GRM7: variants seen among roughly 807,000 people sequenced by gnomAD.
GRM7 encodes the protein glutamate metabotropic receptor 7.
A neutral mutation model predicts 84.5 loss-of-function variants in GRM7; 35 were observed. That is an observed-to-expected ratio of 0.41 (90% confidence interval 0.32 to 0.55). The LOEUF (loss-of-function observed/expected upper bound fraction) is 0.55. GRM7 is among the 20% of genes least tolerant of loss of function. GRM7 has a pLI of 0.19. For synonymous variants in GRM7, 487 were observed against 455.1 expected (o/e 1.07, Z -0.89); for missense variants, 1,003 against 1,194.6 (o/e 0.84, Z 2.36).
intron 4 of GRM7, among the ~76,000 whole-genome samples, chr3:7,405,485 G>T (rs1161256705): frequency 1.3e-5 from 2 of 152,096 alleles, no homozygotes; most frequent in Admixed American, 6.5e-5. Flanking sequence ...GTGTTGGGAA[G>T]ATTCAAAATT....
chr3:6,965,675 T>G (rs1195082497), intron 1 of GRM7, among the ~76,000 whole-genome samples: 6 of 152,122 alleles, frequency 3.9e-5, no homozygotes, highest in African/African-American at 1.2e-4. Flanking sequence ...TGCCTGCACC[T>G]GATAGGTCAG....
intron 1 of GRM7, among the ~76,000 whole-genome samples, chr3:6,987,585 G>T (rs1285614822): frequency 6.6e-6 from 1 of 152,148 alleles, no homozygotes; most frequent in African/African-American, 2.4e-5. Context: ...AGCATTCAAG[G>T]AGCAGACAGG....
intron 1 of GRM7, among the ~76,000 whole-genome samples, chr3:6,953,237 C>T (rs168119): frequency 1 from 152,206 of 152,346 alleles, 76,034 homozygotes; most frequent in Middle Eastern, 1. Flanking sequence ...GTTTTGAATA[C>T]AGTTAGAAGA....
chr3:7,651,008 G>T (rs368066599), intron 8 of GRM7, among the ~76,000 whole-genome samples: 1 of 151,810 alleles, frequency 6.6e-6, no homozygotes, highest in East Asian at 1.9e-4. Context: ...GTAACTTTTT[G>T]ATTTGAAGGA....
At chr3:7,142,672 A>C (rs529712189) in intron 1 of GRM7, among the ~76,000 whole-genome samples, 1 of 152,298 alleles carries the variant, frequency 6.6e-6, no homozygotes, top group African/African-American at 2.4e-5. Context: ...GTATCTGTGC[A>C]TAACCAAATA....
intron 2 of GRM7, among the ~76,000 whole-genome samples, chr3:7,272,935 T>G (rs1185322374): frequency 6.6e-6 from 1 of 152,086 alleles, no homozygotes; most frequent in African/African-American, 2.4e-5. Context: ...GGATAAAATT[T>G]TAGATAATTG....
rs544862820 is a variant in GRM7 at position 7,337,216 on chromosome 3, C to T, written c.1033+30564C>T. Among the ~76,000 whole-genome samples the T allele has an allele frequency of 5.3e-5, 8 of 152,068 alleles. No homozygotes were observed. In the East Asian group the frequency reaches 5.8e-4, roughly 11 times the overall value. On this transcript the variant is annotated intron_variant, in intron 4 of 9. Transcript: ENST00000357716. ...GTGCTGGGATAATTGGCAAGCCACA[C>T]GTCGAAGAATAAAGCTGGATCCTTC... is the stretch of plus-strand genomic sequence containing the variant.
intron 8 of GRM7, among the ~76,000 whole-genome samples, chr3:7,649,162 C>T (rs56398328): frequency 0.33 from 50,278 of 151,678 alleles, 8,884 homozygotes; most frequent in African/African-American, 0.45. Context: ...CTCCGCCTCC[C>T]GGGTTCACGC....
rs115244372 is a variant in GRM7, at chr3:7,079,880, C to T, written c.520-66572C>T. ...GCCTACAACAGAACCTTGTATAATTCCTGACATGGAGCAAGTGCTCAATAA... is the reference window on the plus strand; with the variant it reads ...GCCTACAACAGAACCTTGTATAATTTCTGACATGGAGCAAGTGCTCAATAA... On this transcript the variant is annotated intron_variant, in intron 1 of 9. Coordinates refer to ENST00000357716, the MANE Select transcript of GRM7 (RefSeq NM_000844.4). Among the ~76,000 whole-genome samples, 756 of 152,182 alleles carry T rather than the reference C, an allele frequency of 5.0e-3. 4 individuals carry two copies. Among genetic ancestry groups the T allele is most frequent in the Non-Finnish European group, 8.0e-3 (544 of 67,978 alleles).
rs182846417 is a variant in GRM7 at position 7,416,974 on chromosome 3, G to A, written c.1174+1811G>A. On this transcript the variant is annotated intron_variant, in intron 5 of 9. Coordinates refer to ENST00000357716, the MANE Select transcript of GRM7 (RefSeq NM_000844.4). Reference sequence around the variant, plus strand: ...TGTAGAGTGTCTGGAAGGTGGAATCGGTTGATGGACGTTAGGATTGTCCCA... The same window carrying A: ...TGTAGAGTGTCTGGAAGGTGGAATCAGTTGATGGACGTTAGGATTGTCCCA... 1.8e-3 allele frequency among the ~76,000 whole-genome samples: 268 copies of A among 152,118 alleles called. 1 individual carries two copies. The highest frequency in any genetic ancestry group is 6.8e-3 in the Middle Eastern group (2 of 294).
chr3:7,515,468 T>C (rs912940566), intron 7 of GRM7, among the ~76,000 whole-genome samples: 15 of 152,132 alleles, frequency 9.9e-5, no homozygotes, highest in African/African-American at 2.9e-4. Flanking sequence ...AATCACCCCA[T>C]TGAGGAGCAC....
At chr3:6,923,559 A>G (rs1241331620) in intron 1 of GRM7, among the ~76,000 whole-genome samples, 5 of 152,254 alleles carry the variant, frequency 3.3e-5, no homozygotes, top group South Asian at 2.1e-4. Flanking sequence ...TTTAGAATTC[A>G]TCTCCTCTGT....
At chr3:7,197,837 A>C (rs1052026442) in intron 2 of GRM7, among the ~76,000 whole-genome samples, 24 of 152,138 alleles carry the variant, frequency 1.6e-4, no homozygotes, top group African/African-American at 5.8e-4. Context: ...AACTCATGTC[A>C]GCAAGAAAAA....
At chr3:7,625,253 G>A (rs966817654) in intron 8 of GRM7, among the ~76,000 whole-genome samples, 1 of 152,116 alleles carries the variant, frequency 6.6e-6, no homozygotes, top group Non-Finnish European at 1.5e-5. Context: ...TGAGGCCAAT[G>A]CATGCAAAGG....
intron 4 of GRM7, among the ~76,000 whole-genome samples, chr3:7,310,159 C>A (rs569244655): frequency 2.0e-4 from 31 of 152,264 alleles, no homozygotes; most frequent in African/African-American, 7.0e-4. Flanking sequence ...CATGGACCAG[C>A]ATAATTTCAT....
chr3:7,593,591 C>A (rs563499229), intron 8 of GRM7, among the ~76,000 whole-genome samples: 1 of 152,128 alleles, frequency 6.6e-6, no homozygotes, highest in East Asian at 1.9e-4. Flanking sequence ...TCTTCAAGCA[C>A]AAACCTGCAT....
chr3:7,287,096 T>C (rs1379194679), intron 2 of GRM7, among the ~76,000 whole-genome samples: 2 of 152,134 alleles, frequency 1.3e-5, no homozygotes, highest in African/African-American at 4.8e-5. Flanking sequence ...GTTGATCCCA[T>C]AGATAGAGAT....
At chr3:7,438,789 C>T (rs1697164218) in intron 5 of GRM7, among the ~76,000 whole-genome samples, 1 of 152,110 alleles carries the variant, frequency 6.6e-6, no homozygotes, top group Non-Finnish European at 1.5e-5. Context: ...GTAAGTTTCT[C>T]AAGGTGTAGA....
intron 1 of GRM7, among the ~76,000 whole-genome samples, chr3:6,894,855 G>A (rs1696116778): frequency 6.6e-6 from 1 of 152,182 alleles, no homozygotes; most frequent in South Asian, 2.1e-4. Context: ...TATTATTCCA[G>A]TGCCTGGAAG....
Sources: allele counts gnomAD v4.1 joint callset (sites outside exome capture counted in the v4.1 genomes callset), GRCh38; gene constraint gnomAD v4.1.1; transcripts MANE v1.5; gene names NCBI Gene and HGNC (gene_info 2026-07-23, HGNC 2026-07-21).